Variants in SUGCT observed in about 807,000 individuals in gnomAD.
The protein encoded by SUGCT is succinyl-CoA:glutarate-CoA transferase, also known as succinyl-CoA:glutarate CoA-transferase.
A neutral mutation model predicts 55.0 loss-of-function variants in SUGCT; 41 were observed. The observed-to-expected ratio is 0.74, with a 90% CI of 0.58 to 0.97. The LOEUF (loss-of-function observed/expected upper bound fraction) is 0.97. Ranked by LOEUF, SUGCT falls within the 50% of genes least tolerant of loss-of-function variation. SUGCT has a pLI of 0.00. For missense variants in SUGCT, 568 were observed against 547.8 expected (o/e 1.04, Z -0.37); for synonymous variants, 187 against 200.4 (o/e 0.93, Z 0.56).
chr7:40,333,940 C>A (rs1228423895), intron 9 of SUGCT, among the ~76,000 whole-genome samples: 3 of 151,728 alleles, frequency 2.0e-5, no homozygotes, highest in Admixed American at 2.0e-4. Flanking sequence ...GGGTGATAGT[C>A]CCCTTCCTGT....
chr7:40,661,449 C>T (rs989240629), intron 12 of SUGCT, among the ~76,000 whole-genome samples: 3 of 152,172 alleles, frequency 2.0e-5, no homozygotes, highest in Non-Finnish European at 2.9e-5. Context: ...TATAATTCGT[C>T]TTAAAATGAA....
At chr7:40,545,528 A>G (rs1258766329) in intron 12 of SUGCT, among the ~76,000 whole-genome samples, 1 of 152,190 alleles carries the variant, frequency 6.6e-6, no homozygotes, top group Non-Finnish European at 1.5e-5. Context: ...GACCAATAAA[A>G]TATGATGTAA....
chr7:40,336,075 G>A (rs1400384737), intron 9 of SUGCT, among the ~76,000 whole-genome samples: 2 of 152,112 alleles, frequency 1.3e-5, no homozygotes, highest in Admixed American at 1.3e-4. Context: ...TGTTGAACCA[G>A]CCTTGCATCC....
chr7:40,832,787 G>C (rs968138830), intron 13 of SUGCT, among the ~76,000 whole-genome samples: 1 of 150,940 alleles, frequency 6.6e-6, no homozygotes, highest in South Asian at 2.1e-4. Context: ...CCATTCTCTT[G>C]CCTCACCCTC....
chr7:40,907,772 C>T, the SUGCT span, among the ~76,000 whole-genome samples: 1 of 152,080 alleles, frequency 6.6e-6, no homozygotes, highest in Non-Finnish European at 1.5e-5. Context: ...GAGGCAAGGC[C>T]GTTGACAATG....
Position 40,860,499 on chromosome 7 carries a change from CT to C in SUGCT, c.*21del, listed in dbSNP as rs1231562767. 2 of 1,602,052 alleles carry C rather than the reference CT, an allele frequency of 1.2e-6. No homozygotes were observed. Among genetic ancestry groups the C allele is most frequent in the Admixed American group, 3.4e-5 (2 of 59,482 alleles). ...CACTGACAAAGGAAAAGGGCTCTTC[CT>C]CATAACCTCGATCCGAATACACTGG... On this transcript the variant is annotated 3_prime_UTR_variant, in exon 14 of 14. Coordinates refer to ENST00000335693, the MANE Select transcript of SUGCT (RefSeq NM_001193313.2).
the SUGCT span, among the ~76,000 whole-genome samples, chr7:40,902,028 A>C: frequency 2.0e-5 from 3 of 152,180 alleles, no homozygotes; most frequent in African/African-American, 7.2e-5. Context: ...GAAGTTACTG[A>C]CATCCTCACA....
intron 6 of SUGCT, among the ~76,000 whole-genome samples, chr7:40,201,646 G>T (rs1786608366): frequency 6.6e-6 from 1 of 152,192 alleles, no homozygotes. Context: ...CAGGGGAAGA[G>T]AAACTTAGCA....
At chr7:40,270,277 T>A (rs1791921965) in intron 7 of SUGCT, among the ~76,000 whole-genome samples, 1 of 152,172 alleles carries the variant, frequency 6.6e-6, no homozygotes, top group Non-Finnish European at 1.5e-5. Flanking sequence ...TTCAATTATG[T>A]CCAATTTATT....
At chr7:40,631,236 A>G (rs1000686936) in intron 12 of SUGCT, among the ~76,000 whole-genome samples, 13 of 151,944 alleles carry the variant, frequency 8.6e-5, no homozygotes, top group Non-Finnish European at 5.9e-5. Flanking sequence ...TTTTTTCAGC[A>G]TTATTTACGT....
At chr7:40,876,986 C>A in the SUGCT span, among the ~76,000 whole-genome samples, 1 of 152,054 alleles carries the variant, frequency 6.6e-6, no homozygotes, top group Non-Finnish European at 1.5e-5. Context: ...AAAAGCCTTT[C>A]TCTTCTTTAA....
At chr7:40,981,420 C>A in the SUGCT span, among the ~76,000 whole-genome samples, 1 of 152,168 alleles carries the variant, frequency 6.6e-6, no homozygotes, top group Non-Finnish European at 1.5e-5. Flanking sequence ...TTCCTGGCTT[C>A]TGTTAAGATG....
intron 12 of SUGCT, among the ~76,000 whole-genome samples, chr7:40,741,579 A>G (rs146681033): frequency 1.2e-3 from 182 of 152,340 alleles, no homozygotes; most frequent in Non-Finnish European, 2.1e-3. Flanking sequence ...TATATTTAAC[A>G]CTATGCCATA....
intron 12 of SUGCT, among the ~76,000 whole-genome samples, chr7:40,632,472 A>G (rs1364153290): frequency 1.4e-5 from 2 of 147,960 alleles, no homozygotes; most frequent in Non-Finnish European, 3.0e-5. Flanking sequence ...TTTTTAGTCC[A>G]TTTTCATCAT....
chr7:40,374,818 A>G (rs1784465536), intron 9 of SUGCT, among the ~76,000 whole-genome samples: 1 of 152,130 alleles, frequency 6.6e-6, no homozygotes, highest in Non-Finnish European at 1.5e-5. Flanking sequence ...GGTGAGACAT[A>G]TGTGGGCGTG....
chr7:40,338,310 G>A (rs1456682981), intron 9 of SUGCT, among the ~76,000 whole-genome samples: 1 of 152,080 alleles, frequency 6.6e-6, no homozygotes, highest in East Asian at 1.9e-4. Flanking sequence ...GCTAGGTTGG[G>A]GAAATTCTCC....
At chr7:40,507,120 T>C (rs1016866460) in intron 12 of SUGCT, among the ~76,000 whole-genome samples, 7 of 152,210 alleles carry the variant, frequency 4.6e-5, no homozygotes, top group Non-Finnish European at 7.3e-5. Context: ...CTGTGCTTTG[T>C]GTGTCTCATA....
chr7:40,359,473 G>C (rs1378389534), intron 9 of SUGCT, among the ~76,000 whole-genome samples: 1 of 152,104 alleles, frequency 6.6e-6, no homozygotes, highest in Non-Finnish European at 1.5e-5. Flanking sequence ...CCAAAATGCT[G>C]GGATTACAGG....
chr7:40,810,917 C>T (rs1791375503), intron 13 of SUGCT, among the ~76,000 whole-genome samples: 1 of 151,996 alleles, frequency 6.6e-6, no homozygotes, highest in African/African-American at 2.4e-5. Flanking sequence ...ATCTTTAATC[C>T]ATCTTGAGTT....
Sources: allele counts gnomAD v4.1 joint callset (sites outside exome capture counted in the v4.1 genomes callset), GRCh38; gene constraint gnomAD v4.1.1; transcripts MANE v1.5; gene names NCBI Gene and HGNC (gene_info 2026-07-23, HGNC 2026-07-21).